Variants in DUOXA1 observed in about 807,000 individuals in gnomAD.
DUOXA1 encodes dual oxidase activator 1.
DUOXA1 carries 19 observed loss-of-function variants against 26.6 expected under a neutral mutation model. The ratio of observed to expected loss-of-function variants is 0.71; its 90% CI spans 0.50 to 1.05. The LOEUF is 1.05. DUOXA1 is among the 50% of genes least tolerant of loss of function. The pLI, the probability that DUOXA1 is intolerant of heterozygous loss-of-function variation, is 0.00. For synonymous variants in DUOXA1, 166 were observed against 177.0 expected (o/e 0.94, Z 0.49); for missense variants, 403 against 427.5 (o/e 0.94, Z 0.51).
At position 45,117,432 on chromosome 15, in the gene DUOXA1, G is replaced by A. The variant is rs1225654687; in HGVS notation, c.*1674C>T. 4.6e-6 allele frequency: 7 copies of A among 1,526,290 alleles called. No individual in the cohort carries two copies. In the African/African-American group the frequency reaches 9.7e-5, roughly 21 times the overall value. The allele number at this position is 1,526,290 out of a possible 1,614,324, so 94.5% of individuals were successfully genotyped here. On this transcript the variant is annotated 3_prime_UTR_variant, in exon 9 of 9. Transcript: ENST00000560572. ...TATTTGCCCCTCTCAATAGTTCGCA[G>A]AAACAGGCACTGTTATGACCATTTT...
In DUOXA1 at chr15:45,118,889, T is replaced by A; in HGVS notation, c.*217A>T. 1 of 1,265,312 alleles carries A rather than the reference T, an allele frequency of 7.9e-7. No homozygotes were observed. Among genetic ancestry groups the A allele is most frequent in the Middle Eastern group, 3.0e-4 (1 of 3,314 alleles). The allele number at this position is 1,265,312 out of a possible 1,614,324, so 78.4% of individuals were successfully genotyped here. ...TTGGCCTTATCATGGCAACAGGCTT[T>A]ATGGACAGGCCCAGCATCTCTTCAG... On this transcript the variant is annotated 3_prime_UTR_variant, in exon 9 of 9. Transcript: ENST00000560572.
chr15:45,119,919 G>T (rs150541431), intron 8 of DUOXA1, among the ~76,000 whole-genome samples, 184 bp downstream of exon 8: 214 of 152,096 alleles, frequency 1.4e-3, no homozygotes, highest in African/African-American at 5.1e-3. Context: ...TCTGAGGAGG[G>T]GGGGGAAGTG....
chr15:45,120,858 C>G (rs976672292), intron 6 of DUOXA1, 53 bp from the exon 7 acceptor site: 71 of 1,591,852 alleles, frequency 4.5e-5, no homozygotes, highest in Middle Eastern at 3.6e-4. Flanking sequence ...AGAGTGGGGC[C>G]TAGGTAGGGA....
rs772455041 is a variant in DUOXA1, at chr15:45,120,545, G to A, written c.554+47C>T. ...AGAGATGGGTAGAAACCCTGTTCCTGAATCTAGGCTACCAGGGCCTCCACC... is the reference window on the plus strand; with the variant it reads ...AGAGATGGGTAGAAACCCTGTTCCTAAATCTAGGCTACCAGGGCCTCCACC... On this transcript the variant is annotated intron_variant, in intron 7 of 8. Coordinates refer to ENST00000560572, the MANE Select transcript of DUOXA1 (RefSeq NM_001276266.2). 5 of 1,597,002 alleles carry A rather than the reference G, an allele frequency of 3.1e-6. No homozygotes were observed. In the African/African-American group the frequency reaches 4.0e-5, roughly 13 times the overall value.
Position 45,120,655 on chromosome 15 carries a change from C to T in DUOXA1, c.491G>A (p.Arg164Lys). 6.2e-7 allele frequency: 1 copy of T among 1,614,142 alleles called. No individual in the cohort carries two copies. The highest frequency in any genetic ancestry group is 8.5e-7 in the Non-Finnish European group (1 of 1,180,012). Residue 164 changes from arginine to lysine, a missense_variant, in exon 7 of 9, where the codon AGA (arginine) becomes AAA (lysine). Arg to Lys is a conservative substitution (Grantham distance 26, BLOSUM62 2). Coordinates refer to ENST00000560572, the MANE Select transcript of DUOXA1 (RefSeq NM_001276266.2). ...CTGGCGGTATAGGCCACATGGGCTT[C>T]TTGGAGTGAACTTCTCAGCTAGGTA... ...VLYLAEKFTPRSPCGLYRQYR... is the reference protein window; with the variant it reads ...VLYLAEKFTPKSPCGLYRQYR...
At chr15:45,124,766 G>T (rs1344977479) in intron 3 of DUOXA1, among the ~76,000 whole-genome samples, 2 of 152,068 alleles carry the variant, frequency 1.3e-5, no homozygotes, top group Non-Finnish European at 2.9e-5. Flanking sequence ...ACCATCCTTG[G>T]CCTCCCAAAG....
At chr15:45,127,462 G>A (rs1215942176) in intron 3 of DUOXA1, among the ~76,000 whole-genome samples, 3 of 152,116 alleles carry the variant, frequency 2.0e-5, no homozygotes, top group Non-Finnish European at 4.4e-5. Flanking sequence ...TATTAAAGAT[G>A]ACAGAAGCAA....
In DUOXA1 at chr15:45,119,122, G is replaced by A. The variant is rs774398321; in HGVS notation, c.1016C>T (p.Pro339Leu). The A allele has an allele frequency of 6.3e-7, 1 of 1,591,844 alleles. No individual in the cohort carries two copies. The highest frequency in any genetic ancestry group is 8.6e-7 in the Non-Finnish European group (1 of 1,162,582). ...AYCKEAHPKD[P>L]DCAL ...GGAGGAATGTTATAAAGCACAATCA[G>A]GATCTTTGGGGTGTGCCTCCTTACA... The change falls in exon 9 of 9, where the codon CCT (proline) becomes CTT (leucine). Residue 339 changes from proline (P) to leucine (L), a missense_variant. By Grantham distance (98) the Pro-to-Leu change is moderately conservative (BLOSUM62 -3). Transcript: ENST00000560572.
chr15:45,117,971 G>T lies in DUOXA1; in HGVS notation c.*1135C>A. 3 of 1,612,748 alleles carry T rather than the reference G, an allele frequency of 1.9e-6. No individual in the cohort carries two copies. Among genetic ancestry groups the T allele is most frequent in the South Asian group, 1.1e-5 (1 of 91,054 alleles). ...CATCGCAGGCCGGGAAGCAGTGCCC[G>T]CCAGGCCTGGGCCAGGAGAGCTCCA... On this transcript the variant is annotated 3_prime_UTR_variant, in exon 9 of 9. Transcript: ENST00000560572.
chr15:45,128,460 C>T (rs765040766), intron 3 of DUOXA1, among the ~76,000 whole-genome samples: 7 of 152,176 alleles, frequency 4.6e-5, no homozygotes, highest in Non-Finnish European at 8.8e-5. Context: ...CAATGTGATG[C>T]TTTTTTCTCT....
In DUOXA1 at chr15:45,118,987, T is replaced by C. The variant is rs1894877418; in HGVS notation, c.*119A>G. ...GAGCCTCCTTTTTCTACTCCGTCTG[T>C]AGATTGGTGCTGGGTGTCTGGTAAC... On this transcript the variant is annotated 3_prime_UTR_variant, in exon 9 of 9. Coordinates refer to ENST00000560572, the MANE Select transcript of DUOXA1 (RefSeq NM_001276266.2). The C allele has an allele frequency of 1.4e-6, 2 of 1,462,520 alleles. No individual in the cohort carries two copies. Among genetic ancestry groups the C allele is most frequent in the Non-Finnish European group, 1.8e-6 (2 of 1,108,256 alleles). 90.6% of individuals were successfully genotyped at this position (1,462,520 alleles called of 1,614,324 possible).
Position 45,118,267 on chromosome 15 carries a change from G to C in DUOXA1, c.*839C>G. The C allele has an allele frequency of 7.3e-7, 1 of 1,378,036 alleles. No homozygotes were observed. Among genetic ancestry groups the C allele is most frequent in the Non-Finnish European group, 9.3e-7 (1 of 1,072,018 alleles). The allele number at this position is 1,378,036 out of a possible 1,614,324, so 85.4% of individuals were successfully genotyped here. A position where few individuals can be genotyped will look rare whatever the true frequency, so the allele number is the denominator to read the frequency against. On this transcript the variant is annotated 3_prime_UTR_variant, in exon 9 of 9. Transcript: ENST00000560572. ...ATAGGGGCGCCCTCTAGTGAGGCCG[G>C]AGGGACCCTACCAGAGCTAGCATCT...
At position 45,122,945 on chromosome 15, in the gene DUOXA1, A is replaced by C; in HGVS notation, c.70T>G (p.Leu24Val). The change falls in exon 4 of 9, where the codon TTG (leucine) becomes GTG (valine). Residue 24 changes from leucine to valine, a missense_variant. Transcript: ENST00000560572. Reference sequence around the variant, plus strand: ...AGAAAGATCATGATGATGCTGGCCAAAGTGGTGTCCATCGGGAAGGTTGGC... The same window carrying C: ...AGAAAGATCATGATGATGCTGGCCACAGTGGTGTCCATCGGGAAGGTTGGC... ...PKPTFPMDTT[L>V]ASIIMIFLTA... The C allele has an allele frequency of 6.2e-7, 1 of 1,613,572 alleles. No homozygotes were observed. The highest frequency in any genetic ancestry group is 8.5e-7 in the Non-Finnish European group (1 of 1,179,798).
At chr15:45,127,548 T>G (rs1270817804) in intron 3 of DUOXA1, among the ~76,000 whole-genome samples, 1 of 152,240 alleles carries the variant, frequency 6.6e-6, no homozygotes, top group African/African-American at 2.4e-5. Context: ...CTTCCTTTAT[T>G]TGCATTGCCT....
At position 45,118,805 on chromosome 15, in the gene DUOXA1, T is replaced by C. The variant is rs960007987; in HGVS notation, c.*301A>G. The C allele has an allele frequency of 2.8e-4, 304 of 1,104,902 alleles. No individual in the cohort carries two copies. Among genetic ancestry groups the C allele is most frequent in the Non-Finnish European group, 3.2e-4 (290 of 906,938 alleles). The allele number at this position is 1,104,902 out of a possible 1,614,324, so 68.4% of individuals were successfully genotyped here. ...AAGTTAGGTTTCAGTGAATAGCATCTTGAAGAGGCAAGGCAGCACGGAAAG... is the reference window on the plus strand; with the variant it reads ...AAGTTAGGTTTCAGTGAATAGCATCCTGAAGAGGCAAGGCAGCACGGAAAG... On this transcript the variant is annotated 3_prime_UTR_variant, in exon 9 of 9. Coordinates refer to ENST00000560572, the MANE Select transcript of DUOXA1 (RefSeq NM_001276266.2).
chr15:45,118,486 A>G lies in DUOXA1; in HGVS notation c.*620T>C. The G allele has an allele frequency of 1.0e-6, 1 of 1,001,780 alleles. No homozygotes were observed. Among genetic ancestry groups the G allele is most frequent in the Non-Finnish European group, 1.2e-6 (1 of 841,016 alleles). The allele number at this position is 1,001,780 out of a possible 1,614,324, so 62.1% of individuals were successfully genotyped here. ...GCCAAGGTAGGTGTCAGCAAGGCATAGAAAGATAAATCCCAAGATTCTTGG... is the reference window on the plus strand; with the variant it reads ...GCCAAGGTAGGTGTCAGCAAGGCATGGAAAGATAAATCCCAAGATTCTTGG... On this transcript the variant is annotated 3_prime_UTR_variant, in exon 9 of 9. Transcript: ENST00000560572.
At position 45,122,951 on chromosome 15, in the gene DUOXA1, T is replaced by C. The variant is rs753775496; in HGVS notation, c.64A>G (p.Thr22Ala). ...ATCATGATGATGCTGGCCAAAGTGG[T>C]GTCCATCGGGAAGGTTGGCTTGGGG... ...AGPKPTFPMD[T>A]TLASIIMIFL... Residue 22 changes from threonine to alanine, a missense_variant, in exon 4 of 9, where the codon ACC becomes GCC. By Grantham distance (58) the Thr-to-Ala change is moderately conservative. Transcript: ENST00000560572. The C allele has an allele frequency of 2.2e-5, 35 of 1,613,384 alleles. No individual in the cohort carries two copies. The Admixed American group carries it at 5.8e-4, about 27-fold the overall frequency.
At position 45,119,177 on chromosome 15, in the gene DUOXA1, G is replaced by T. The variant is rs773070416; in HGVS notation, c.961C>A (p.Leu321Met). 3 of 1,612,400 alleles carry T rather than the reference G, an allele frequency of 1.9e-6. No individual in the cohort carries two copies. The South Asian group carries it at 3.3e-5, about 18-fold the overall frequency. Residue 321 changes from leucine (L) to methionine (M), a missense_variant, in exon 9 of 9, where the codon CTG (leucine) becomes ATG (methionine). Transcript: ENST00000560572. ...ADSPKSQDIPLSEASSTKAYC... is the reference protein window; with the variant it reads ...ADSPKSQDIPMSEASSTKAYC... ...GCCTTGGTGGAGGAAGCCTCTGACA[G>T]GGGAATGTCCTGGGACTTGGGACTG... is the stretch of plus-strand genomic sequence containing the variant.
rs1595537602 is a variant in DUOXA1 at position 45,117,777 on chromosome 15, T to G, written c.*1329A>C. ...GTCTCCAGTATGTTCGGCCCAGCGC[T>G]CTTCGCACCCTTCTGGACCAAAGCG... is the stretch of plus-strand genomic sequence containing the variant. On this transcript the variant is annotated 3_prime_UTR_variant, in exon 9 of 9. Transcript: ENST00000560572. The G allele has an allele frequency of 6.2e-7, 1 of 1,614,006 alleles. No homozygotes were observed.
Sources: allele counts gnomAD v4.1 joint callset (sites outside exome capture counted in the v4.1 genomes callset), GRCh38; gene constraint gnomAD v4.1.1; transcripts MANE v1.5; gene names NCBI Gene and HGNC (gene_info 2026-07-23, HGNC 2026-07-21).